Variants in HECW1 observed in about 807,000 individuals in gnomAD.
HECW1 encodes the protein HECT, C2 and WW domain containing E3 ubiquitin protein ligase 1.
HECW1 carries 61 observed loss-of-function variants against 182.3 expected under a neutral mutation model. The observed-to-expected ratio is 0.33, with a 90% CI of 0.27 to 0.41. HECW1 has a LOEUF of 0.41. Among genes scored for constraint, HECW1 ranks in the 10% least tolerant of loss-of-function variants. HECW1 has a pLI of 1.00. For missense variants in HECW1, 1,739 were observed against 2,108.9 expected (o/e 0.82, Z 3.44); for synonymous variants, 859 against 832.6 (o/e 1.03, Z -0.55).
In HECW1 at chr7:43,552,351, G is replaced by C; in HGVS notation, c.4510+15G>C. On this transcript the variant is annotated intron_variant, in intron 28 of 29. Coordinates refer to ENST00000395891, the MANE Select transcript of HECW1 (RefSeq NM_015052.5). ...GTACCGGGGAGGTGAGTGGGCAGGA[G>C]CTGTAATGATGCAATGATCACAAAT... 1.4e-6 allele frequency: 2 copies of C among 1,448,208 alleles called. No individual in the cohort carries two copies. Among genetic ancestry groups the C allele is most frequent in the Non-Finnish European group, 1.9e-6 (2 of 1,028,534 alleles). 89.7% of individuals were successfully genotyped at this position (1,448,208 alleles called of 1,614,324 possible). A position where few individuals can be genotyped will look rare whatever the true frequency, so the allele number is the denominator to read the frequency against.
At chr7:43,515,845 G>C (rs1254379788) in intron 24 of HECW1, among the ~76,000 whole-genome samples, 1 of 152,086 alleles carries the variant, frequency 6.6e-6, no homozygotes, top group Non-Finnish European at 1.5e-5. Context: ...AAACTACCAA[G>C]TTAAAATGCT....
intron 2 of HECW1, among the ~76,000 whole-genome samples, chr7:43,203,101 T>G (rs1039395208): frequency 1.3e-5 from 2 of 152,148 alleles, no homozygotes; most frequent in African/African-American, 4.8e-5. Context: ...CGCGTGACAC[T>G]CAGGCGATCT....
At chr7:43,528,023 T>C (rs2080827288) in intron 24 of HECW1, among the ~76,000 whole-genome samples, 1 of 152,180 alleles carries the variant, frequency 6.6e-6, no homozygotes, top group Non-Finnish European at 1.5e-5. Flanking sequence ...CGTTAATAGC[T>C]AAACTGAGAG....
intron 11 of HECW1, among the ~76,000 whole-genome samples, chr7:43,446,093 G>A (rs753707575): frequency 1.3e-5 from 2 of 152,120 alleles, no homozygotes; most frequent in Non-Finnish European, 2.9e-5. Flanking sequence ...GATATGTCTA[G>A]CCTACATATA....
intron 27 of HECW1, among the ~76,000 whole-genome samples, chr7:43,551,876 G>A (rs1203573253): frequency 2.0e-5 from 3 of 152,116 alleles, no homozygotes; most frequent in Non-Finnish European, 2.9e-5. Flanking sequence ...CTGGTTCATA[G>A]ATGGTACCTT....
At chr7:43,529,549 C>G (rs1260598797) in intron 24 of HECW1, among the ~76,000 whole-genome samples, 4 of 152,182 alleles carry the variant, frequency 2.6e-5, no homozygotes, top group Admixed American at 2.6e-4. Flanking sequence ...TTGACTGTCC[C>G]AAAAGCCTCC....
At chr7:43,488,363 GA>G (rs1189783208) in intron 17 of HECW1, among the ~76,000 whole-genome samples, 7 of 127,684 alleles carry the variant, frequency 5.5e-5, no homozygotes, top group Admixed American at 2.4e-4. Context: ...AGGAAGGAAG[GA>G]AGGAAGGAAG....
At chr7:43,388,630 G>A (rs2074896272) in intron 6 of HECW1, among the ~76,000 whole-genome samples, 1 of 152,064 alleles carries the variant, frequency 6.6e-6, no homozygotes, top group African/African-American at 2.4e-5. Flanking sequence ...GGATATTCTG[G>A]GTTTTTTTGT....
chr7:43,277,364 CTTG>C (rs557348031), intron 3 of HECW1, among the ~76,000 whole-genome samples: 12 of 152,210 alleles, frequency 7.9e-5, no homozygotes, highest in African/African-American at 1.2e-4. Context: ...CCCACCTTAT[CTTG>C]TTGTTGTTGT....
intron 2 of HECW1, among the ~76,000 whole-genome samples, chr7:43,143,546 A>G (rs1788392023): frequency 1.3e-5 from 2 of 152,058 alleles, no homozygotes; most frequent in Non-Finnish European, 2.9e-5. Context: ...TCAGCCTCCC[A>G]AAGTATTGGG....
chr7:43,224,763 C>T (rs533755675), intron 2 of HECW1, among the ~76,000 whole-genome samples: 2 of 152,250 alleles, frequency 1.3e-5, no homozygotes, highest in African/African-American at 4.8e-5. Flanking sequence ...TGCAGTGAGC[C>T]GTGATTGCAC....
chr7:43,213,986 A>T (rs1000726372), intron 2 of HECW1, among the ~76,000 whole-genome samples: 25 of 152,090 alleles, frequency 1.6e-4, no homozygotes, highest in Admixed American at 1.4e-3. Flanking sequence ...TTTGGAATTT[A>T]TTATATAAGA....
chr7:43,153,145 G>T (rs1208715853), intron 2 of HECW1, among the ~76,000 whole-genome samples: 3 of 151,948 alleles, frequency 2.0e-5, no homozygotes, highest in Non-Finnish European at 4.4e-5. Flanking sequence ...CCTTTTTGGG[G>T]CACTAGTTTT....
intron 9 of HECW1, chr7:43,440,307 G>A (rs2076845648): frequency 1.3e-5 from 2 of 152,438 alleles, no homozygotes. Flanking sequence ...TGAGATATTT[G>A]CACCTTTCCC....
intron 29 of HECW1, among the ~76,000 whole-genome samples, chr7:43,559,475 A>G (rs961574378): frequency 1.3e-5 from 2 of 152,210 alleles, no homozygotes; most frequent in African/African-American, 4.8e-5. Context: ...TGTTTAAATG[A>G]TGATTCACAG....
chr7:43,260,254 G>A (rs549499651), intron 3 of HECW1, among the ~76,000 whole-genome samples: 13 of 152,302 alleles, frequency 8.5e-5, no homozygotes, highest in African/African-American at 2.4e-4. Context: ...GATCAAGACA[G>A]GCTTTCTGAA....
intron 24 of HECW1, among the ~76,000 whole-genome samples, chr7:43,534,116 T>A (rs951994518): frequency 2.0e-5 from 3 of 152,228 alleles, no homozygotes; most frequent in Admixed American, 6.5e-5. Context: ...TTCGCTCAAT[T>A]TTTATATCAC....
intron 2 of HECW1, among the ~76,000 whole-genome samples, chr7:43,231,166 T>C (rs1217468514): frequency 6.6e-6 from 1 of 152,200 alleles, no homozygotes. Flanking sequence ...CTAACTTCCA[T>C]AAGATCCCAC....
At chr7:43,554,451 TA>T in intron 28 of HECW1, 140 bp from the exon 29 acceptor site, 1 of 730,346 alleles carries the variant, frequency 1.4e-6, no homozygotes, top group Non-Finnish European at 2.3e-6. Flanking sequence ...TAGACCTCTC[TA>T]AAGGCCATCA....
Sources: allele counts gnomAD v4.1 joint callset (sites outside exome capture counted in the v4.1 genomes callset), GRCh38; gene constraint gnomAD v4.1.1; transcripts MANE v1.5; gene names NCBI Gene and HGNC (gene_info 2026-07-23, HGNC 2026-07-21).